The following CEP104 variants were observed in gnomAD, a reference collection of about 807,000 sequenced individuals.
CEP104 encodes centrosomal protein 104.
CEP104 carries 84 observed loss-of-function variants against 113.3 expected under a neutral mutation model. The observed-to-expected ratio is 0.74, with a 90% CI of 0.62 to 0.89. The LOEUF (loss-of-function observed/expected upper bound fraction) is 0.89, where lower values mean the gene tolerates loss of function less well. Ranked by LOEUF, CEP104 falls within the 40% of genes least tolerant of loss-of-function variation. The probability of loss-of-function intolerance (pLI) is 0.00; values close to 1 mark genes in which losing one functional copy is unlikely to be tolerated. For missense variants in CEP104, 1,053 were observed against 1,156.6 expected (o/e 0.91, Z 1.30); for synonymous variants, 378 against 421.7 (o/e 0.90, Z 1.27).
At chr1:3,825,589 A>G (rs1316445972) in intron 18 of CEP104, among the ~76,000 whole-genome samples, 169 bp downstream of exon 18, 1 of 152,196 alleles carries the variant, frequency 6.6e-6, no homozygotes, top group Non-Finnish European at 1.5e-5. Flanking sequence ...GCTGTCTGTC[A>G]TATGGAATGA....
chr1:3,847,831 T>C (rs775191244), intron 3 of CEP104: 3 of 537,772 alleles, frequency 5.6e-6, no homozygotes, highest in South Asian at 4.5e-5. Flanking sequence ...AGTATTCTTC[T>C]TTTGTTGTTG....
At position 3,817,046 on chromosome 1, in the gene CEP104, C is replaced by G. The variant is rs191002204; in HGVS notation, c.2572-676G>C. Among the ~76,000 whole-genome samples, 370 of 152,322 alleles carry G rather than the reference C, an allele frequency of 2.4e-3. 2 individuals carry two copies. The highest frequency in any genetic ancestry group is 2.5e-3 in the Non-Finnish European group (171 of 68,026). On this transcript the variant is annotated intron_variant, in intron 20 of 21. Coordinates refer to ENST00000378230, the MANE Select transcript of CEP104 (RefSeq NM_014704.4). ...TTCCCTTCTATTTAAACAACACTCA[C>G]GAGGCTGGGCGCGGTGGCTCACGCC...
chr1:3,854,789 T>A (rs1036490111), intron 1 of CEP104, among the ~76,000 whole-genome samples: 1 of 151,428 alleles, frequency 6.6e-6, no homozygotes, highest in Non-Finnish European at 1.5e-5. Flanking sequence ...CCTTTCATCA[T>A]CTTTCAGGGC....
chr1:3,818,445 C>T (rs750239577), intron 20 of CEP104, among the ~76,000 whole-genome samples: 4 of 152,210 alleles, frequency 2.6e-5, no homozygotes, highest in African/African-American at 9.6e-5. Context: ...AGGACTCCAC[C>T]GGCCAAGTCC....
chr1:3,847,618 A>G lies in CEP104; in HGVS notation c.288-5T>C. The G allele has an allele frequency of 1.9e-6, 3 of 1,614,152 alleles. No homozygotes were observed. The highest frequency in any genetic ancestry group is 2.5e-6 in the Non-Finnish European group (3 of 1,180,020). On this transcript the variant is annotated splice_region_variant and splice_polypyrimidine_tract_variant and intron_variant, in intron 3 of 21. Coordinates refer to ENST00000378230, the MANE Select transcript of CEP104 (RefSeq NM_014704.4). The stretch of plus-strand genomic sequence containing the variant: ...TTATCACAGAGAGACACGTAGCTGA[A>G]AAACAAAACACAACTGAAGAATTTG...
At chr1:3,829,564 C>T (rs575419906) in intron 14 of CEP104, 191 bp from the exon 15 acceptor site, 13 of 653,318 alleles carry the variant, frequency 2.0e-5, no homozygotes, top group Middle Eastern at 4.2e-4. Context: ...TGTGTCCTCA[C>T]GGCTATCGTT....
chr1:3,853,044 G>A (rs1421950270), intron 1 of CEP104, among the ~76,000 whole-genome samples: 1 of 152,218 alleles, frequency 6.6e-6, no homozygotes, highest in Non-Finnish European at 1.5e-5. Context: ...AATTTCTGGT[G>A]TTTTAAGCCA....
rs1557690514 is a variant in CEP104, at chr1:3,847,598, A to G, written c.303T>C (p.Cys101=). The change falls in exon 4 of 22, where the codon TGT becomes TGC. Residue 101 remains cysteine, a synonymous_variant. Transcript: ENST00000378230. ...RFRRLGYVSL[C]DNEKTGCKAR... ...CTTTGCAACCTGTCTTTTCATTATC[A>G]CAGAGAGACACGTAGCTGAAAAACA... is the stretch of plus-strand genomic sequence containing the variant. 4.3e-6 allele frequency: 7 copies of G among 1,614,150 alleles called. No individual in the cohort carries two copies. Among genetic ancestry groups the G allele is most frequent in the Non-Finnish European group, 5.9e-6 (7 of 1,180,028 alleles).
At chr1:3,832,230 C>T (rs1291309273) in intron 12 of CEP104, among the ~76,000 whole-genome samples, 1 of 151,786 alleles carries the variant, frequency 6.6e-6, no homozygotes, top group Non-Finnish European at 1.5e-5. Context: ...TATTGTAGCA[C>T]ATTAGGTCGT....
Position 3,825,855 on chromosome 1 carries a change from A to G in CEP104, c.2267T>C (p.Phe756Ser), listed in dbSNP as rs1205625419. The G allele has an allele frequency of 6.2e-7, 1 of 1,611,498 alleles. No individual in the cohort carries two copies. The highest frequency in any genetic ancestry group is 8.5e-7 in the Non-Finnish European group (1 of 1,177,570). Residue 756 changes from phenylalanine (F) to serine (S), a missense_variant, in exon 18 of 22, where the codon TTT becomes TCT. Physicochemically the swap from Phe to Ser is radical, Grantham distance 155. Transcript: ENST00000378230. ...DEHYLDNLCI[F>S]CGERSESFTE... ...GAAGGATTCACTCCTTTCCCCACAAAAAATACACAAACTGAAAGCAAAGCA... is the reference window on the plus strand; with the variant it reads ...GAAGGATTCACTCCTTTCCCCACAAGAAATACACAAACTGAAAGCAAAGCA...
intron 20 of CEP104, among the ~76,000 whole-genome samples, chr1:3,820,050 G>A (rs1010255631): frequency 6.6e-6 from 1 of 152,156 alleles, no homozygotes; most frequent in Admixed American, 6.5e-5. Flanking sequence ...GAGGTAATGA[G>A]TGAGTGTGTT....
intron 3 of CEP104, chr1:3,847,816 T>C (rs1328553928): frequency 7.1e-6 from 4 of 564,960 alleles, no homozygotes; most frequent in Middle Eastern, 4.7e-4. Flanking sequence ...ACTCAAATTC[T>C]AATTAGTATT....
intron 2 of CEP104, among the ~76,000 whole-genome samples, chr1:3,849,875 A>C (rs959444442): frequency 7.2e-5 from 11 of 152,344 alleles, no homozygotes; most frequent in Middle Eastern, 3.4e-3. Context: ...AAACCAAGAC[A>C]ACCGGCAAAG....
chr1:3,821,624 G>A (rs963934262), intron 20 of CEP104, among the ~76,000 whole-genome samples: 1 of 152,248 alleles, frequency 6.6e-6, no homozygotes, highest in African/African-American at 2.4e-5. Flanking sequence ...CACATATCAC[G>A]CGCCTCCCGG....
At chr1:3,852,468 T>G in intron 1 of CEP104, 47 bp from the exon 2 acceptor site, 1 of 1,557,236 alleles carries the variant, frequency 6.4e-7, no homozygotes. Context: ...AGGAATTCAC[T>G]AACACATGGA....
intron 7 of CEP104, 105 bp downstream of exon 7, chr1:3,839,503 T>C: frequency 9.3e-7 from 1 of 1,074,840 alleles, no homozygotes; most frequent in East Asian, 2.4e-5. Context: ...TCACACTAAC[T>C]TCACGGCTTT....
chr1:3,853,280 T>A (rs914656412), intron 1 of CEP104, among the ~76,000 whole-genome samples: 1 of 152,170 alleles, frequency 6.6e-6, no homozygotes, highest in Non-Finnish European at 1.5e-5. Context: ...CAGAGTTAGG[T>A]TGAGGGACTG....
At chr1:3,847,366 C>A in intron 4 of CEP104, 109 bp downstream of exon 4, 1 of 1,101,382 alleles carries the variant, frequency 9.1e-7, no homozygotes, top group South Asian at 1.6e-5. Flanking sequence ...CAGAAGAGAT[C>A]CTCTCTTATA....
At position 3,847,568 on chromosome 1, in the gene CEP104, C is replaced by T. The variant is rs1278260156; in HGVS notation, c.333G>A (p.Arg111=). The part of the protein sequence containing the change: ...CDNEKTGCKA[R]ELKSVYVDAV... ...CATCCACATAAACTGATTTTAGTTC[C>T]CGGGCTTTGCAACCTGTCTTTTCAT... Residue 111 remains arginine, a synonymous_variant, in exon 4 of 22, where the codon CGG becomes CGA. Coordinates refer to ENST00000378230, the MANE Select transcript of CEP104 (RefSeq NM_014704.4). The T allele has an allele frequency of 3.7e-6, 6 of 1,613,658 alleles. No individual in the cohort carries two copies. Among genetic ancestry groups the T allele is most frequent in the Admixed American group, 1.7e-5 (1 of 59,936 alleles).
Sources: allele counts gnomAD v4.1 joint callset (sites outside exome capture counted in the v4.1 genomes callset), GRCh38; gene constraint gnomAD v4.1.1; transcripts MANE v1.5; gene names NCBI Gene and HGNC (gene_info 2026-07-23, HGNC 2026-07-21).